The following UGGT2 variants were observed in gnomAD, a reference collection of about 807,000 sequenced individuals.
UGGT2 encodes UDP-glucose:glycoprotein glucosyltransferase 2.
UGGT2 carries 180 observed loss-of-function variants against 192.1 expected under a neutral mutation model. That is an observed-to-expected ratio of 0.94 (90% CI 0.83 to 1.06). The LOEUF is 1.06. Ranked by LOEUF, UGGT2 falls within the 50% of genes least tolerant of loss-of-function variation. UGGT2 has a pLI of 0.00. For synonymous variants in UGGT2, 580 were observed against 591.0 expected, an observed-to-expected ratio of 0.98 and a Z score of 0.27; for missense variants, 1,849 against 1,795.7, an observed-to-expected ratio of 1.03 and a Z score of -0.54.
chr13:95,844,284 C>A (rs935821167), intron 36 of UGGT2, among the ~76,000 whole-genome samples: 1 of 152,214 alleles, frequency 6.6e-6, no homozygotes, highest in East Asian at 1.9e-4. Context: ...TTTAGGTCTA[C>A]GGCATTCCAT....
rs1285610486 is a variant in UGGT2, at chr13:95,940,056, G to C, written c.1713C>G (p.Leu571=). ...YQKVKKDQNI[L]TVDNVKSVLQ... is the part of the protein sequence containing the mutation. The stretch of plus-strand genomic sequence containing the variant: ...GAACACTCTTCACATTGTCCACAGT[G>C]AGTATATTTTGATCCTTCTTCACTT... The change falls in exon 16 of 39, where the codon CTC becomes CTG. Residue 571 remains leucine, a synonymous_variant. Coordinates refer to ENST00000376747, the MANE Select transcript of UGGT2 (RefSeq NM_020121.4). The C allele has an allele frequency of 1.3e-6, 2 of 1,565,356 alleles. No homozygotes were observed. Among genetic ancestry groups the C allele is most frequent in the Middle Eastern group, 1.7e-4 (1 of 5,960 alleles).
intron 9 of UGGT2, 39 bp from the exon 10 acceptor site, chr13:95,983,903 A>C: frequency 2.1e-6 from 3 of 1,407,574 alleles, no homozygotes; most frequent in Non-Finnish European, 1.9e-6. Flanking sequence ...TCCTTCCTTA[A>C]ATGTTTAGAA....
chr13:95,914,612 TAAAAAAAAAAAAAAAAAAA>T (rs146990164), intron 20 of UGGT2, among the ~76,000 whole-genome samples: 43,287 of 81,348 alleles, frequency 0.53, 8,661 homozygotes, highest in South Asian at 0.57. Flanking sequence ...CCATCTCTAC[TAAAAAAAAAAAAAAAAAAA>T]AAAAAAAAAA....
At chr13:96,025,516 T>C (rs905772635) in intron 2 of UGGT2, among the ~76,000 whole-genome samples, 3 of 152,212 alleles carry the variant, frequency 2.0e-5, no homozygotes, top group South Asian at 2.1e-4. Context: ...TTAGATCCTT[T>C]CAAAGATGAC....
chr13:95,997,951 C>T (rs941510283), intron 6 of UGGT2, among the ~76,000 whole-genome samples: 1 of 152,126 alleles, frequency 6.6e-6, no homozygotes, highest in Non-Finnish European at 1.5e-5. Context: ...TAGGGAGCCA[C>T]TAAAGGATTT....
At chr13:95,894,424 C>T (rs573033576) in intron 24 of UGGT2, 138 bp downstream of exon 24, 607 of 638,184 alleles carry the variant, frequency 9.5e-4, no homozygotes, top group Admixed American at 1.8e-3. Flanking sequence ...AATTTATCTT[C>T]CTAATACTGT....
At chr13:96,003,589 G>A (rs761584227) in intron 5 of UGGT2, among the ~76,000 whole-genome samples, 1 of 152,158 alleles carries the variant, frequency 6.6e-6, no homozygotes, top group East Asian at 1.9e-4. Context: ...AAGAGGTATT[G>A]CAAGTTCTAC....
intron 12 of UGGT2, among the ~76,000 whole-genome samples, chr13:95,951,742 G>C (rs906845532): frequency 3.9e-5 from 6 of 152,134 alleles, no homozygotes; most frequent in Non-Finnish European, 8.8e-5. Flanking sequence ...CACTGAACAT[G>C]GTATAAGCCA....
chr13:95,903,970 C>T (rs2048190665), intron 20 of UGGT2, among the ~76,000 whole-genome samples: 2 of 152,160 alleles, frequency 1.3e-5, no homozygotes, highest in South Asian at 4.1e-4. Context: ...CAATACTAAA[C>T]ATCCTTTGAT....
At chr13:96,050,808 C>T (rs1267600773) in intron 1 of UGGT2, among the ~76,000 whole-genome samples, 5 of 152,030 alleles carry the variant, frequency 3.3e-5, no homozygotes, top group African/African-American at 7.2e-5. Flanking sequence ...GTTAGAAGGG[C>T]GATCATTAAA....
intron 38 of UGGT2, among the ~76,000 whole-genome samples, chr13:95,831,806 G>A (rs944316947): frequency 4.0e-5 from 6 of 151,772 alleles, no homozygotes; most frequent in African/African-American, 1.5e-4. Flanking sequence ...ATAAGAAAAA[G>A]ATGTTTTTTG....
intron 36 of UGGT2, among the ~76,000 whole-genome samples, chr13:95,842,641 T>A (rs900635808): frequency 5.3e-5 from 8 of 152,192 alleles, no homozygotes; most frequent in Admixed American, 5.2e-4. Flanking sequence ...ATTCTGAGAC[T>A]AGACTATAAC....
intron 8 of UGGT2, chr13:95,989,530 C>T: frequency 2.6e-6 from 1 of 387,946 alleles, no homozygotes; most frequent in Non-Finnish European, 5.4e-6. Context: ...CTTTGTAAAA[C>T]TGCATGTCCT....
rs183071957 is a variant in UGGT2, at chr13:95,850,235, A to C, written c.4284+3308T>G. Among the ~76,000 whole-genome samples, 203 of 152,318 alleles carry C rather than the reference A, an allele frequency of 1.3e-3. 1 individual carries two copies. The highest frequency in any genetic ancestry group is 3.5e-3 in the African/African-American group (147 of 41,584). ...TCTTTCTGTACAAACTGAATAATGAAGTACATGAATGTAGAAAGAAAAGTA... is the reference window on the plus strand; with the variant it reads ...TCTTTCTGTACAAACTGAATAATGACGTACATGAATGTAGAAAGAAAAGTA... On this transcript the variant is annotated intron_variant, in intron 36 of 38. Transcript: ENST00000376747.
intron 20 of UGGT2, among the ~76,000 whole-genome samples, chr13:95,909,504 A>C (rs2048405555): frequency 6.7e-6 from 1 of 149,212 alleles, no homozygotes; most frequent in Admixed American, 6.7e-5. Context: ...TCGCAAGAAC[A>C]AAAAAACAAA....
chr13:95,824,655 A>G (rs891620103), intron 38 of UGGT2, among the ~76,000 whole-genome samples: 8 of 152,028 alleles, frequency 5.3e-5, no homozygotes, highest in African/African-American at 1.9e-4. Context: ...TTTTCTTTAT[A>G]TCTCTCTAGA....
intron 6 of UGGT2, among the ~76,000 whole-genome samples, chr13:95,998,927 T>C (rs1384686379): frequency 1.3e-5 from 2 of 152,192 alleles, no homozygotes; most frequent in Non-Finnish European, 2.9e-5. Context: ...ACCTTACATA[T>C]ACTATCAATT....
At chr13:95,939,177 G>A (rs2049573052) in intron 16 of UGGT2, among the ~76,000 whole-genome samples, 1 of 152,170 alleles carries the variant, frequency 6.6e-6, no homozygotes, top group South Asian at 2.1e-4. Flanking sequence ...CTACACAGTA[G>A]CAACATCAGC....
At chr13:95,884,084 A>AAAAAAAAAAAAAAAAAAAAAC (rs760204523) in intron 27 of UGGT2, among the ~76,000 whole-genome samples, 1 of 132,012 alleles carries the variant, frequency 7.6e-6, no homozygotes, top group Non-Finnish European at 1.6e-5. Context: ...AAAAAAAAAA[A>AAAAAAAAAAAAAAAAAAAAAC]AACCAACAAC....
Sources: gnomAD v4.1 joint callset for allele counts (sites outside exome capture counted in the v4.1 genomes callset) on GRCh38, gnomAD v4.1.1 for gene constraint, MANE v1.5 for transcripts, NCBI Gene and HGNC (gene_info 2026-07-23, HGNC 2026-07-21) for gene names.